NCOA1: variants seen among roughly 807,000 people sequenced by gnomAD.
NCOA1 encodes nuclear receptor coactivator 1.
Under a neutral mutation model 150.9 loss-of-function variants are expected in NCOA1, and 35 were observed. That is an observed-to-expected ratio of 0.23 (90% CI 0.18 to 0.31). NCOA1 has a LOEUF of 0.31. Among genes scored for constraint, NCOA1 ranks in the 10% least tolerant of loss-of-function variants. NCOA1 has a pLI of 1.00. For missense variants in NCOA1, 1,491 were observed against 1,749.3 expected, an observed-to-expected ratio of 0.85 and a Z score of 2.63; for synonymous variants, 590 against 630.0, an observed-to-expected ratio of 0.94 and a Z score of 0.95.
chr2:24,535,273 C>T (rs1297301193), intron 1 of NCOA1, among the ~76,000 whole-genome samples: 1 of 151,914 alleles, frequency 6.6e-6, no homozygotes, highest in Admixed American at 6.6e-5. Flanking sequence ...GATTGCAACC[C>T]CTGCTTTTTT....
chr2:24,657,325 G>A (rs1444587423), intron 4 of NCOA1, among the ~76,000 whole-genome samples: 1 of 152,154 alleles, frequency 6.6e-6, no homozygotes, highest in Non-Finnish European at 1.5e-5. Flanking sequence ...TAGGTATTTG[G>A]TTCCAAATGA....
intron 1 of NCOA1, among the ~76,000 whole-genome samples, chr2:24,504,299 G>A (rs1048182480): frequency 1.3e-5 from 2 of 152,214 alleles, no homozygotes; most frequent in Admixed American, 6.5e-5. Flanking sequence ...AATAGGTTTG[G>A]TGTACCATCT....
At chr2:24,716,641 G>T (rs1674061697) in intron 14 of NCOA1, among the ~76,000 whole-genome samples, 1 of 152,078 alleles carries the variant, frequency 6.6e-6, no homozygotes, top group Non-Finnish European at 1.5e-5. Flanking sequence ...ACACATTTTT[G>T]ATAGGACACA....
At chr2:24,527,813 A>G (rs1376852458) in intron 1 of NCOA1, among the ~76,000 whole-genome samples, 1 of 152,154 alleles carries the variant, frequency 6.6e-6, no homozygotes, top group Non-Finnish European at 1.5e-5. Flanking sequence ...TTTTCTCCAT[A>G]CCGTTGCCAA....
At chr2:24,646,563 A>G (rs910959499) in intron 4 of NCOA1, among the ~76,000 whole-genome samples, 4 of 152,072 alleles carry the variant, frequency 2.6e-5, no homozygotes, top group South Asian at 2.1e-4. Context: ...AGGGCCTTCC[A>G]TGATAGTGAC....
intron 21 of NCOA1, among the ~76,000 whole-genome samples, chr2:24,760,306 ATTTTTTTTTT>A (rs70947842): frequency 3.0e-5 from 3 of 99,740 alleles, no homozygotes; most frequent in Non-Finnish European, 3.9e-5. Flanking sequence ...TGCCCGGCTA[ATTTTTTTTTT>A]TTTTTTTTTT....
intron 14 of NCOA1, among the ~76,000 whole-genome samples, chr2:24,717,967 G>A (rs1009122177): frequency 3.4e-5 from 5 of 146,424 alleles, no homozygotes; most frequent in Admixed American, 7.2e-5. Context: ...CATGATTGCC[G>A]CTCGCTACAA....
At chr2:24,535,517 G>A (rs11902353) in intron 1 of NCOA1, among the ~76,000 whole-genome samples, 22,360 of 152,120 alleles carry the variant, frequency 0.15, 1,990 homozygotes, top group Non-Finnish European at 0.2. Flanking sequence ...TATTTTGCCC[G>A]TTAATTCATG....
At chr2:24,633,194 A>G (rs1669784186) in intron 3 of NCOA1, among the ~76,000 whole-genome samples, 1 of 152,158 alleles carries the variant, frequency 6.6e-6, no homozygotes, top group Non-Finnish European at 1.5e-5. Context: ...GCATGCAGAA[A>G]GACTGGATGC....
chr2:24,695,594 CATTT>C (rs1672862085), intron 10 of NCOA1, among the ~76,000 whole-genome samples: 1 of 151,972 alleles, frequency 6.6e-6, no homozygotes, highest in African/African-American at 2.4e-5. Flanking sequence ...AAATGTTAAA[CATTT>C]AATTTCTTAA....
intron 13 of NCOA1, among the ~76,000 whole-genome samples, chr2:24,710,231 T>C (rs1030487487): frequency 6.6e-6 from 1 of 151,946 alleles, no homozygotes; most frequent in African/African-American, 2.4e-5. Context: ...GTAGCTGGAG[T>C]TATAGGCACG....
intron 1 of NCOA1, among the ~76,000 whole-genome samples, chr2:24,523,462 C>T (rs777213207): frequency 3.3e-5 from 5 of 150,072 alleles, no homozygotes; most frequent in East Asian, 3.9e-4. Flanking sequence ...AAAAAATTGC[C>T]AGGTGTGGTG....
intron 1 of NCOA1, among the ~76,000 whole-genome samples, chr2:24,531,595 A>G (rs1481449730): frequency 1.3e-5 from 2 of 151,970 alleles, no homozygotes; most frequent in Admixed American, 6.6e-5. Flanking sequence ...TCCTAATGCC[A>G]TCCCTCCACC....
chr2:24,674,673 A>G (rs1488231204), intron 7 of NCOA1, among the ~76,000 whole-genome samples: 1 of 152,178 alleles, frequency 6.6e-6, no homozygotes, highest in Non-Finnish European at 1.5e-5. Flanking sequence ...ACATCATGGA[A>G]TTATTTTAAA....
intron 1 of NCOA1, among the ~76,000 whole-genome samples, chr2:24,531,791 C>CT (rs1425339239): frequency 1.3e-5 from 2 of 152,084 alleles, no homozygotes; most frequent in Non-Finnish European, 2.9e-5. Flanking sequence ...TGAACTCATC[C>CT]TTTTTTATGA....
intron 6 of NCOA1, among the ~76,000 whole-genome samples, chr2:24,667,492 G>T (rs1453561047): frequency 3.3e-5 from 5 of 151,750 alleles, no homozygotes; most frequent in African/African-American, 1.2e-4. Context: ...CAAACAAACA[G>T]AAAAAAGGGA....
intron 3 of NCOA1, among the ~76,000 whole-genome samples, chr2:24,620,917 A>G (rs1669120348): frequency 6.6e-6 from 1 of 152,342 alleles, no homozygotes; most frequent in Middle Eastern, 3.4e-3. Context: ...ATGTGTGACA[A>G]AATTTAAGCT....
intron 3 of NCOA1, among the ~76,000 whole-genome samples, chr2:24,607,624 A>G (rs1668431710): frequency 6.6e-6 from 1 of 151,584 alleles, no homozygotes; most frequent in South Asian, 2.1e-4. Context: ...CAGGGGGTGG[A>G]GATTGCAGTG....
At chr2:24,657,773 T>C (rs565902846) in intron 4 of NCOA1, among the ~76,000 whole-genome samples, 9 of 152,206 alleles carry the variant, frequency 5.9e-5, no homozygotes, top group African/African-American at 2.2e-4. Context: ...AAGGAAAAGC[T>C]AAAGGTTCTC....
Sources: gnomAD v4.1 joint callset for allele counts (sites outside exome capture counted in the v4.1 genomes callset) on GRCh38, gnomAD v4.1.1 for gene constraint, MANE v1.5 for transcripts, NCBI Gene and HGNC (gene_info 2026-07-23, HGNC 2026-07-21) for gene names.